LATS1: variants seen among roughly 807,000 people sequenced by gnomAD.
LATS1 encodes serine/threonine-protein kinase LATS1.
A neutral mutation model predicts 106.6 loss-of-function variants in LATS1; 25 were observed. The ratio of observed to expected loss-of-function variants is 0.23; its 90% confidence interval spans 0.17 to 0.33. The LOEUF (loss-of-function observed/expected upper bound fraction) is 0.33. Among genes scored for constraint, LATS1 ranks in the 10% least tolerant of loss-of-function variants. LATS1 has a pLI of 1.00. For synonymous variants in LATS1, 465 were observed against 455.6 expected (o/e 1.02, Z -0.26); for missense variants, 1,040 against 1,382.6 (o/e 0.75, Z 3.93).
chr6:149,664,332 T>G (rs1020930698), intron 7 of LATS1, among the ~76,000 whole-genome samples: 10 of 115,434 alleles, frequency 8.7e-5, no homozygotes, highest in African/African-American at 3.4e-4. Context: ...CATTAGAGTC[T>G]CAAAAGGTAA....
chr6:149,716,143 T>A (rs1055524203), intron 1 of LATS1: 1 of 150,710 alleles, frequency 6.6e-6, no homozygotes, highest in African/African-American at 2.4e-5. Flanking sequence ...AAAAAAAAAA[T>A]GATACCATTA....
At chr6:149,684,916 GTGGTTTCCTT>G (rs1042297375) in intron 3 of LATS1, among the ~76,000 whole-genome samples, 99 of 152,230 alleles carry the variant, frequency 6.5e-4, no homozygotes, top group African/African-American at 2.0e-3. Context: ...ATTTCACTAA[GTGGTTTCCTT>G]TTACCTTTTA....
Position 149,683,821 on chromosome 6 carries a change from T to G in LATS1, c.1268A>C (p.Asn423Thr), listed in dbSNP as rs750656047. 1 of 1,614,042 alleles carries G rather than the reference T, an allele frequency of 6.2e-7. No individual in the cohort carries two copies. The highest frequency in any genetic ancestry group is 8.5e-7 in the Non-Finnish European group (1 of 1,180,032). Residue 423 changes from asparagine to threonine, a missense_variant, in exon 4 of 8, where the codon AAC becomes ACC. Physicochemically the swap from Asn to Thr is moderately conservative, Grantham distance 65 (BLOSUM62 0). Around this residue, in one of 7 missense-constraint regions of LATS1, gnomAD observed 624 missense variants for 714.8 expected, o/e 0.87. Coordinates refer to ENST00000543571, the MANE Select transcript of LATS1 (RefSeq NM_004690.4). The part of the protein sequence containing the change: ...NRNSHNMELY[N>T]ISVPGLQTNW... ...TGTTTGCAGTCCAGGTACACTAATG[T>G]TATATAGTTCCATGTTATGACTATT...
chr6:149,676,437 C>T, intron 6 of LATS1, 71 bp from the exon 7 acceptor site: 1 of 1,354,198 alleles, frequency 7.4e-7, no homozygotes, highest in Admixed American at 2.1e-5. Flanking sequence ...CATTAAATCA[C>T]CAATTTATAC....
intron 5 of LATS1, among the ~76,000 whole-genome samples, chr6:149,679,391 A>C (rs1206700750): frequency 4.0e-5 from 6 of 151,842 alleles, no homozygotes; most frequent in Non-Finnish European, 7.4e-5. Context: ...ATCTCTATTA[A>C]AAATACAAAA....
Position 149,683,638 on chromosome 6 carries a change from G to A in LATS1, c.1451C>T (p.Thr484Ile). 6.2e-7 allele frequency: 1 copy of A among 1,614,160 alleles called. No individual in the cohort carries two copies. Among genetic ancestry groups the A allele is most frequent in the Non-Finnish European group, 8.5e-7 (1 of 1,180,012 alleles). The stretch of plus-strand genomic sequence containing the variant: ...AGCTGGTGTAATTGCAGTGACTGTT[G>A]TAGCAGAAGGCTGAGAATTAGCAGA... ...SHSANSQPSATTVTAITPAPI... is the reference protein window; with the variant it reads ...SHSANSQPSAITVTAITPAPI... Residue 484 changes from threonine to isoleucine, a missense_variant, in exon 4 of 8, where the codon ACA becomes ATA. Around this residue, in one of 7 missense-constraint regions of LATS1, gnomAD observed 624 missense variants for 714.8 expected, o/e 0.87. Coordinates refer to ENST00000543571, the MANE Select transcript of LATS1 (RefSeq NM_004690.4).
At chr6:149,705,478 T>C (rs1400999979) in intron 1 of LATS1, among the ~76,000 whole-genome samples, 2 of 152,166 alleles carry the variant, frequency 1.3e-5, no homozygotes, top group African/African-American at 2.4e-5. Context: ...AATTCATTTA[T>C]AGGATCTAGG....
At chr6:149,693,281 A>C (rs2114894808) in intron 3 of LATS1, among the ~76,000 whole-genome samples, 1 of 150,692 alleles carries the variant, frequency 6.6e-6, no homozygotes, top group East Asian at 2.0e-4. Context: ...CAAAGAGAAA[A>C]AAAAAAAAAA....
rs564129932 is a variant in LATS1 at position 149,681,917 on chromosome 6, G to A, written c.2010+1162C>T. Among the ~76,000 whole-genome samples, 227 of 152,048 alleles carry A rather than the reference G, an allele frequency of 1.5e-3. 1 individual carries two copies. Among genetic ancestry groups the A allele is most frequent in the Non-Finnish European group, 1.9e-3 (126 of 67,964 alleles). On this transcript the variant is annotated intron_variant, in intron 4 of 7. Coordinates refer to ENST00000543571, the MANE Select transcript of LATS1 (RefSeq NM_004690.4). ...GTCATGGCGTCAAGAGATCAAGACC[G>A]GCCTGGCCAACATGGTGAAACCCCG...
intron 3 of LATS1, among the ~76,000 whole-genome samples, chr6:149,685,513 G>A (rs1321271510): frequency 1.3e-5 from 2 of 152,086 alleles, no homozygotes; most frequent in Non-Finnish European, 2.9e-5. Flanking sequence ...AGCCTCCTGA[G>A]TAGCTGGGAC....
In LATS1 at chr6:149,684,386, T is replaced by C. The variant is rs774747065; in HGVS notation, c.703A>G (p.Asn235Asp). 2 of 1,613,990 alleles carry C rather than the reference T, an allele frequency of 1.2e-6. No homozygotes were observed. The highest frequency in any genetic ancestry group is 2.2e-5 in the South Asian group (2 of 91,082). Residue 235 changes from asparagine to aspartate, a missense_variant, in exon 4 of 8, where the codon AAC (asparagine) becomes GAC (aspartate). Physicochemically the swap from Asn to Asp is conservative, Grantham distance 23. Around this residue, in one of 7 missense-constraint regions of LATS1, gnomAD observed 624 missense variants for 714.8 expected, o/e 0.87. Coordinates refer to ENST00000543571, the MANE Select transcript of LATS1 (RefSeq NM_004690.4). ...QAHPSNGQRV[N>D]PPPPPQVRSV... ...CTTACTTGAGGTGGTGGTGGGGGGT[T>C]CACTCTCTGTCCGTTGCTAGGGTGA... is the stretch of plus-strand genomic sequence containing the variant.
chr6:149,676,994 T>C (rs1781759426), intron 5 of LATS1, among the ~76,000 whole-genome samples: 1 of 152,208 alleles, frequency 6.6e-6, no homozygotes, highest in African/African-American at 2.4e-5. Flanking sequence ...ATAACAACAA[T>C]ATGAGTCATG....
At chr6:149,685,925 TA>T (rs954825825) in intron 3 of LATS1, among the ~76,000 whole-genome samples, 12 of 151,896 alleles carry the variant, frequency 7.9e-5, no homozygotes, top group Admixed American at 1.3e-4. Flanking sequence ...CTAGAAAGAC[TA>T]AAGGTTTAAA....
chr6:149,669,182 G>A (rs895787821), intron 7 of LATS1, among the ~76,000 whole-genome samples: 3 of 151,598 alleles, frequency 2.0e-5, no homozygotes, highest in Admixed American at 2.0e-4. Context: ...TACCCAGGCT[G>A]GAGTGCAGTG....
intron 3 of LATS1, among the ~76,000 whole-genome samples, 195 bp from the exon 4 acceptor site, chr6:149,684,787 A>C (rs1782269848): frequency 6.6e-6 from 1 of 152,212 alleles, no homozygotes; most frequent in African/African-American, 2.4e-5. Context: ...TGTACTCCTG[A>C]AAATTGCCGA....
chr6:149,702,587 A>C (rs1783525298), intron 1 of LATS1, among the ~76,000 whole-genome samples: 1 of 152,126 alleles, frequency 6.6e-6, no homozygotes, highest in East Asian at 1.9e-4. Context: ...TAACAACTTC[A>C]CCTAGAGGAT....
intron 2 of LATS1, chr6:149,697,325 A>C: frequency 2.4e-6 from 1 of 414,448 alleles, no homozygotes; most frequent in Admixed American, 3.2e-5. Flanking sequence ...GTTGCCATAA[A>C]AATTTTGCCA....
At chr6:149,708,846 T>C (rs1783936422) in intron 1 of LATS1, among the ~76,000 whole-genome samples, 1 of 152,156 alleles carries the variant, frequency 6.6e-6, no homozygotes, top group Non-Finnish European at 1.5e-5. Context: ...CCTAATAACA[T>C]TGTGAAAATA....
intron 2 of LATS1, among the ~76,000 whole-genome samples, chr6:149,695,591 T>G (rs1402995104): frequency 6.6e-6 from 1 of 151,796 alleles, no homozygotes; most frequent in Admixed American, 6.6e-5. Flanking sequence ...ACATGAGAAT[T>G]GTTTGAACCT....
Sources: allele counts gnomAD v4.1 joint callset (sites outside exome capture counted in the v4.1 genomes callset), GRCh38; gene constraint gnomAD v4.1.1; regional missense constraint gnomAD v4.1.1; transcripts MANE v1.5; gene names NCBI Gene and HGNC (gene_info 2026-07-23, HGNC 2026-07-21).